The following RBFOX1 variants were observed in gnomAD, a reference collection of about 807,000 sequenced individuals.
RBFOX1 encodes RNA binding fox-1 homolog 1, also known as RNA binding protein fox-1 homolog 1.
Under a neutral mutation model 57.7 loss-of-function variants are expected in RBFOX1, and 8 were observed. That is an observed-to-expected ratio of 0.14 (90% CI 0.08 to 0.25). The LOEUF (loss-of-function observed/expected upper bound fraction) is 0.25. RBFOX1 is among the 10% of genes least tolerant of loss of function. The probability of loss-of-function intolerance (pLI) is 1.00; values close to 1 mark genes in which losing one functional copy is unlikely to be tolerated. For missense variants in RBFOX1, 611 were observed against 548.5 expected (o/e 1.11, Z -1.14); for synonymous variants, 326 against 222.4 (o/e 1.47, Z -4.15).
intron 4 of RBFOX1, among the ~76,000 whole-genome samples, chr16:7,495,343 A>C (rs1467482201): frequency 6.6e-6 from 1 of 152,172 alleles, no homozygotes; most frequent in African/African-American, 2.4e-5. Flanking sequence ...CAGTCATGGG[A>C]TTGCTGGATT....
chr16:5,561,945 T>A (rs1007346620), intron 2 of RBFOX1, among the ~76,000 whole-genome samples: 6 of 152,198 alleles, frequency 3.9e-5, no homozygotes, highest in African/African-American at 1.4e-4. Flanking sequence ...AGGGCCTCTT[T>A]TCCCCTGTCA....
chr16:6,812,429 A>G (rs2154267407), intron 3 of RBFOX1, among the ~76,000 whole-genome samples: 1 of 152,270 alleles, frequency 6.6e-6, no homozygotes, highest in South Asian at 2.1e-4. Flanking sequence ...GCTGGAGTGC[A>G]GTGGCCCGAT....
chr16:6,072,365 G>C (rs906932385), intron 1 of RBFOX1, among the ~76,000 whole-genome samples: 4 of 152,090 alleles, frequency 2.6e-5, no homozygotes, highest in African/African-American at 9.7e-5. Flanking sequence ...TGGACACTTA[G>C]GTGGCTTCCA....
At chr16:5,365,873 C>A (rs1353970583) in intron 1 of RBFOX1, 4 of 507,954 alleles carry the variant, frequency 7.9e-6, no homozygotes, top group East Asian at 5.5e-5. Context: ...TCAAGGCTGA[C>A]AAAGATGATC....
intron 2 of RBFOX1, among the ~76,000 whole-genome samples, chr16:5,513,341 G>A (rs1251465298): frequency 1.3e-5 from 2 of 152,174 alleles, no homozygotes; most frequent in Non-Finnish European, 2.9e-5. Context: ...TTTTTGGGAG[G>A]AAGACTGTGG....
intron 5 of RBFOX1, among the ~76,000 whole-genome samples, chr16:7,574,399 A>C (rs1348244541): frequency 6.6e-6 from 1 of 152,214 alleles, no homozygotes; most frequent in Non-Finnish European, 1.5e-5. Flanking sequence ...GTGAAGTCCC[A>C]CAATAGGCCC....
intron 4 of RBFOX1, among the ~76,000 whole-genome samples, chr16:7,482,018 G>A (rs1013739898): frequency 7.9e-5 from 12 of 152,174 alleles, no homozygotes; most frequent in African/African-American, 2.9e-4. Context: ...TTGTAAAGTC[G>A]AAAAGTCTTG....
intron 4 of RBFOX1, among the ~76,000 whole-genome samples, chr16:7,303,170 G>A (rs998946132): frequency 4.6e-5 from 7 of 152,316 alleles, no homozygotes; most frequent in South Asian, 2.1e-4. Flanking sequence ...AACAGCTCAG[G>A]GGCTGGTTCG....
intron 3 of RBFOX1, among the ~76,000 whole-genome samples, chr16:5,854,438 C>T (rs1412097367): frequency 2.6e-5 from 4 of 152,154 alleles, no homozygotes; most frequent in African/African-American, 9.7e-5. Context: ...TAGTATTTGT[C>T]TTTGTGTCTC....
chr16:5,403,890 A>C (rs1325262617), intron 1 of RBFOX1, among the ~76,000 whole-genome samples: 1 of 152,092 alleles, frequency 6.6e-6, no homozygotes, highest in Non-Finnish European at 1.5e-5. Context: ...GATAGTCATA[A>C]GGGAAAGAGT....
intron 4 of RBFOX1, among the ~76,000 whole-genome samples, chr16:7,198,154 C>T (rs1050403503): frequency 6.6e-5 from 10 of 151,844 alleles, no homozygotes; most frequent in South Asian, 2.1e-4. Flanking sequence ...TACAGGCACC[C>T]GCCACCACAG....
chr16:6,080,640 C>T (rs143726130), intron 1 of RBFOX1, among the ~76,000 whole-genome samples: 1 of 152,252 alleles, frequency 6.6e-6, no homozygotes, highest in African/African-American at 2.4e-5. Flanking sequence ...TTGGAAGTGA[C>T]TCGTTTATGA....
At chr16:6,355,134 CT>C (rs1324970201) in intron 2 of RBFOX1, among the ~76,000 whole-genome samples, 1 of 152,102 alleles carries the variant, frequency 6.6e-6, no homozygotes, top group Non-Finnish European at 1.5e-5. Context: ...ATTCTGTATT[CT>C]TTTTTTATTA....
intron 2 of RBFOX1, among the ~76,000 whole-genome samples, chr16:5,493,764 C>G (rs1275615151): frequency 1.3e-5 from 2 of 152,210 alleles, no homozygotes; most frequent in Admixed American, 6.5e-5. Flanking sequence ...TTTGTCTTCA[C>G]TTCCCATCAG....
At position 7,181,201 on chromosome 16, in the gene RBFOX1, C is replaced by G. The variant is rs1011595124; in HGVS notation, c.27+129103C>G. On this transcript the variant is annotated intron_variant, in intron 4 of 15. Transcript: ENST00000550418. ...GACTTCTTTGAACCTTGCGTAGTCA[C>G]AATCTCTCTAGATGTTAAATAGGGA... Among the ~76,000 whole-genome samples, 13 of 152,134 alleles carry G rather than the reference C, an allele frequency of 8.5e-5. 1 individual carries two copies. The highest frequency in any genetic ancestry group is 1.9e-4 in the African/African-American group (8 of 41,432).
intron 4 of RBFOX1, among the ~76,000 whole-genome samples, chr16:7,369,520 C>G (rs2097530119): frequency 1.3e-5 from 2 of 152,142 alleles, no homozygotes; most frequent in Non-Finnish European, 2.9e-5. Flanking sequence ...CCTAGTTACT[C>G]TTTACATGGT....
At chr16:5,409,444 A>G (rs1489045661) in intron 1 of RBFOX1, among the ~76,000 whole-genome samples, 1 of 152,192 alleles carries the variant, frequency 6.6e-6, no homozygotes, top group Non-Finnish European at 1.5e-5. Context: ...CCCTCTTAAC[A>G]ACAATGTCTT....
At chr16:7,042,182 G>A (rs1163857228) in intron 3 of RBFOX1, among the ~76,000 whole-genome samples, 1 of 152,234 alleles carries the variant, frequency 6.6e-6, no homozygotes, top group African/African-American at 2.4e-5. Flanking sequence ...GCTAGTCGGT[G>A]CATGTCTTGT....
intron 4 of RBFOX1, among the ~76,000 whole-genome samples, chr16:7,155,753 A>C: frequency 6.9e-6 from 1 of 144,850 alleles, no homozygotes; most frequent in Non-Finnish European, 1.5e-5. Flanking sequence ...ACACACACAC[A>C]CACACACACA....
Sources: gnomAD v4.1 joint callset for allele counts (sites outside exome capture counted in the v4.1 genomes callset) on GRCh38, gnomAD v4.1.1 for gene constraint, MANE v1.5 for transcripts, NCBI Gene and HGNC (gene_info 2026-07-23, HGNC 2026-07-21) for gene names.